The following HEMK2 variants were observed in gnomAD, a reference collection of about 807,000 sequenced individuals.
HEMK2 encodes the protein methyltransferase HEMK2.
the HEMK2 span, among the ~76,000 whole-genome samples, chr21:28,630,236 C>G: frequency 6.6e-6 from 1 of 152,124 alleles, no homozygotes; most frequent in Non-Finnish European, 1.5e-5. Flanking sequence ...GCGATACCAT[C>G]TCACACCAGT....
At chr21:28,640,796 C>T in the HEMK2 span, among the ~76,000 whole-genome samples, 2 of 152,174 alleles carry the variant, frequency 1.3e-5, no homozygotes, top group African/African-American at 2.4e-5. Flanking sequence ...CCTCCAACAC[C>T]CTGCCTTTTG....
At chr21:28,823,141 T>A in the HEMK2 span, among the ~76,000 whole-genome samples, 3 of 152,234 alleles carry the variant, frequency 2.0e-5, no homozygotes, top group Non-Finnish European at 2.9e-5. Context: ...GTTAAGTGAT[T>A]GCTATAGGCC....
At chr21:28,720,562 G>A in the HEMK2 span, among the ~76,000 whole-genome samples, 18 of 152,074 alleles carry the variant, frequency 1.2e-4, no homozygotes, top group Admixed American at 7.9e-4. Flanking sequence ...GCAAAACCCC[G>A]TCTCTAATAA....
chr21:28,867,161 T>C, the HEMK2 span, among the ~76,000 whole-genome samples: 2 of 152,276 alleles, frequency 1.3e-5, no homozygotes, highest in Admixed American at 6.5e-5. Flanking sequence ...CTTCTAGGTA[T>C]TGACTAGAGT....
chr21:28,834,332 G>A, the HEMK2 span, among the ~76,000 whole-genome samples: 1 of 152,170 alleles, frequency 6.6e-6, no homozygotes, highest in Non-Finnish European at 1.5e-5. Context: ...AACTGTGAGT[G>A]CCCCAACCTT....
At chr21:28,839,168 G>C in the HEMK2 span, among the ~76,000 whole-genome samples, 4 of 151,326 alleles carry the variant, frequency 2.6e-5, no homozygotes, top group Middle Eastern at 3.4e-3. Context: ...ACAACATCTA[G>C]CATCCCTTTA....
At chr21:28,808,454 T>C in the HEMK2 span, among the ~76,000 whole-genome samples, 4 of 150,688 alleles carry the variant, frequency 2.7e-5, no homozygotes, top group Non-Finnish European at 5.9e-5. Context: ...GAGGATTGCA[T>C]TGAATCAGTA....
the HEMK2 span, among the ~76,000 whole-genome samples, chr21:28,747,465 T>G: frequency 6.6e-6 from 1 of 152,196 alleles, no homozygotes; most frequent in Non-Finnish European, 1.5e-5. Flanking sequence ...AAAATACATA[T>G]GAAAATTAAT....
the HEMK2 span, among the ~76,000 whole-genome samples, chr21:28,831,638 A>AAGGAAGGAAG: frequency 3.0e-5 from 1 of 33,122 alleles, no homozygotes; most frequent in African/African-American, 1.6e-4. Context: ...AAGGAAGGAA[A>AAGGAAGGAAG]GAAAGAAAGA....
chr21:28,795,899 T>G, the HEMK2 span, among the ~76,000 whole-genome samples: 2 of 152,210 alleles, frequency 1.3e-5, no homozygotes, highest in Non-Finnish European at 2.9e-5. Flanking sequence ...ATTAGAAATC[T>G]GAGTGAGAAA....
the HEMK2 span, among the ~76,000 whole-genome samples, chr21:28,753,060 G>A: frequency 3.5e-4 from 53 of 152,266 alleles, 1 homozygote; most frequent in Middle Eastern, 3.4e-3. Flanking sequence ...GCCTTGGTGC[G>A]ATGGCTCTTA....
chr21:28,630,128 T>G, the HEMK2 span, among the ~76,000 whole-genome samples: 2 of 152,180 alleles, frequency 1.3e-5, no homozygotes, highest in Admixed American at 6.5e-5. Context: ...CTTTAACATA[T>G]CTTAAGGCCG....
At chr21:28,717,127 G>A in the HEMK2 span, among the ~76,000 whole-genome samples, 1 of 152,120 alleles carries the variant, frequency 6.6e-6, no homozygotes, top group African/African-American at 2.4e-5. Flanking sequence ...ATGATGCTGG[G>A]TTTGTAGAAT....
the HEMK2 span, among the ~76,000 whole-genome samples, chr21:28,855,485 A>G: frequency 6.6e-6 from 1 of 152,212 alleles, no homozygotes; most frequent in Admixed American, 6.5e-5. Flanking sequence ...ATTAATTATA[A>G]GTGTTGGGAC....
the HEMK2 span, among the ~76,000 whole-genome samples, chr21:28,767,106 C>G: frequency 2.6e-5 from 4 of 151,972 alleles, no homozygotes; most frequent in African/African-American, 9.7e-5. Flanking sequence ...TTCATGAGAT[C>G]TGATGGTTAT....
the HEMK2 span, among the ~76,000 whole-genome samples, chr21:28,849,254 T>G: frequency 6.6e-6 from 1 of 152,040 alleles, no homozygotes; most frequent in African/African-American, 2.4e-5. Flanking sequence ...TTTGGCTCCC[T>G]GGTATCTTCC....
chr21:28,672,709 C>G, the HEMK2 span, among the ~76,000 whole-genome samples: 3 of 152,266 alleles, frequency 2.0e-5, no homozygotes, highest in African/African-American at 7.2e-5. Flanking sequence ...ATCCAAGACA[C>G]TTGTATGACT....
the HEMK2 span, among the ~76,000 whole-genome samples, chr21:28,667,989 G>A: frequency 3.3e-5 from 5 of 152,130 alleles, no homozygotes; most frequent in South Asian, 2.1e-4. Flanking sequence ...GAAAAAACTC[G>A]TACTCTGTCT....
At chr21:28,585,265 G>T in the HEMK2 span, among the ~76,000 whole-genome samples, 1 of 152,146 alleles carries the variant, frequency 6.6e-6, no homozygotes, top group South Asian at 2.1e-4. Flanking sequence ...CTGGGAGGTG[G>T]AGGTTGCAGT....
Sources: gnomAD v4.1 joint callset for allele counts (sites outside exome capture counted in the v4.1 genomes callset) on GRCh38, gnomAD v4.1.1 for gene constraint, MANE v1.5 for transcripts, NCBI Gene and HGNC (gene_info 2026-07-23, HGNC 2026-07-21) for gene names.